RBFOX1: variants seen among roughly 807,000 people sequenced by gnomAD.
RBFOX1 encodes the protein RNA binding protein fox-1 homolog 1.
A neutral mutation model predicts 57.7 loss-of-function variants in RBFOX1; 8 were observed. That is an observed-to-expected ratio of 0.14 (90% CI 0.08 to 0.25). The LOEUF (loss-of-function observed/expected upper bound fraction) is 0.25. RBFOX1 is among the 10% of genes least tolerant of loss of function. The probability of loss-of-function intolerance (pLI) is 1.00; values close to 1 mark genes in which losing one functional copy is unlikely to be tolerated. For missense variants in RBFOX1, 611 were observed against 548.5 expected, an observed-to-expected ratio of 1.11 and a Z score of -1.14; for synonymous variants, 326 against 222.4, an observed-to-expected ratio of 1.47 and a Z score of -4.15.
chr16:6,763,413 C>T (rs553724861), intron 3 of RBFOX1, among the ~76,000 whole-genome samples: 3 of 152,200 alleles, frequency 2.0e-5, no homozygotes, highest in Non-Finnish European at 4.4e-5. Context: ...AACCATTCAA[C>T]CAGCAAACTG....
chr16:7,576,850 C>G (rs2093377804), intron 5 of RBFOX1, among the ~76,000 whole-genome samples: 1 of 152,148 alleles, frequency 6.6e-6, no homozygotes, highest in Non-Finnish European at 1.5e-5. Flanking sequence ...GAAACGGGAA[C>G]TTCTAACAGG....
At chr16:5,815,358 C>T (rs1270357946) in intron 3 of RBFOX1, among the ~76,000 whole-genome samples, 1 of 152,030 alleles carries the variant, frequency 6.6e-6, no homozygotes, top group African/African-American at 2.4e-5. Flanking sequence ...ATCCTCCCAT[C>T]CCCTGTTTGG....
chr16:7,021,831 A>C (rs1005702071), intron 3 of RBFOX1, among the ~76,000 whole-genome samples: 3 of 151,346 alleles, frequency 2.0e-5, no homozygotes, highest in South Asian at 4.2e-4. Flanking sequence ...CTAATTCTTG[A>C]AGGTAGTTGG....
rs1237261830 is a variant in RBFOX1, at chr16:5,842,153, T to G, written c.319-25150T>G. Among the ~76,000 whole-genome samples the G allele has an allele frequency of 2.0e-5, 3 of 152,116 alleles. No individual in the cohort carries two copies. The East Asian group carries it at 5.8e-4, about 29-fold the overall frequency. On this transcript the variant is annotated intron_variant, in intron 3 of 19. Transcript: ENST00000641259. ...GGAAATGGAACCGCTGAAATCAAGT[T>G]TAGACTTGTTAGAGGGAACAGTGTT...
chr16:7,709,078 G>A lies in RBFOX1; in HGVS notation c.1018G>A (p.Asp340Asn), dbSNP rs1403788049. Residue 340 changes from aspartate to asparagine, a missense_variant, in exon 15 of 16, where the codon GAC (aspartate) becomes AAC (asparagine). Transcript: ENST00000550418. The stretch of plus-strand genomic sequence containing the variant: ...CAGTTACGGACGAGTTTATGCTGCC[G>A]ACCCCTACCACCACGCACTTGCTCC... ...SDSYGRVYAADPYHHALAPAP... is the reference protein window; with the variant it reads ...SDSYGRVYAANPYHHALAPAP... 26 of 1,613,490 alleles carry A rather than the reference G, an allele frequency of 1.6e-5. No individual in the cohort carries two copies. The East Asian group carries it at 1.8e-4, about 11-fold the overall frequency.
intron 3 of RBFOX1, among the ~76,000 whole-genome samples, chr16:5,854,874 C>G (rs2056985588): frequency 6.6e-6 from 1 of 152,140 alleles, no homozygotes; most frequent in Non-Finnish European, 1.5e-5. Context: ...TTCTCCGTAT[C>G]CTCACCAACA....
At chr16:5,967,110 TAAC>T (rs1234965547) in intron 4 of RBFOX1, among the ~76,000 whole-genome samples, 1 of 151,848 alleles carries the variant, frequency 6.6e-6, no homozygotes, top group African/African-American at 2.4e-5. Context: ...TTCTTCGAGT[TAAC>T]AACAGCAGAG....
chr16:5,570,807 T>C (rs1340715485), intron 2 of RBFOX1, among the ~76,000 whole-genome samples: 1 of 145,138 alleles, frequency 6.9e-6, no homozygotes, highest in Non-Finnish European at 1.5e-5. Context: ...ACCACCGTAC[T>C]CCAGTCTGGG....
chr16:6,691,480 A>C (rs2060200515), intron 3 of RBFOX1, among the ~76,000 whole-genome samples: 1 of 150,554 alleles, frequency 6.6e-6, no homozygotes, highest in Non-Finnish European at 1.5e-5. Flanking sequence ...TTTTTTGTGG[A>C]TGCCACTCAA....
chr16:5,326,387 T>G (rs2064572703), intron 1 of RBFOX1, among the ~76,000 whole-genome samples: 1 of 152,146 alleles, frequency 6.6e-6, no homozygotes, highest in Non-Finnish European at 1.5e-5. Flanking sequence ...CATGTCCAAG[T>G]CCCCTTCTAC....
chr16:5,732,615 T>C (rs1158200957), intron 3 of RBFOX1, among the ~76,000 whole-genome samples: 1 of 152,240 alleles, frequency 6.6e-6, no homozygotes, highest in Non-Finnish European at 1.5e-5. Flanking sequence ...GTTTCTGCAC[T>C]TGTAAGGTAA....
chr16:5,444,259 GCCTTGCTA>G (rs2068174285), intron 1 of RBFOX1, among the ~76,000 whole-genome samples: 1 of 152,208 alleles, frequency 6.6e-6, no homozygotes, highest in South Asian at 2.1e-4. Context: ...CAGATTGGCT[GCCTTGCTA>G]CCTGTTGCTT....
At chr16:7,258,965 G>A (rs2094809094) in intron 4 of RBFOX1, among the ~76,000 whole-genome samples, 1 of 152,300 alleles carries the variant, frequency 6.6e-6, no homozygotes, top group South Asian at 2.1e-4. Context: ...TTTCACCTAT[G>A]ACATATTGCA....
intron 3 of RBFOX1, among the ~76,000 whole-genome samples, chr16:6,831,261 G>C (rs2092689582): frequency 6.6e-6 from 1 of 152,080 alleles, no homozygotes; most frequent in South Asian, 2.1e-4. Context: ...CTCTATTCTT[G>C]GCTCACCCAG....
chr16:7,107,179 G>A (rs1343866068), intron 4 of RBFOX1, among the ~76,000 whole-genome samples: 1 of 152,144 alleles, frequency 6.6e-6, no homozygotes, highest in Non-Finnish European at 1.5e-5. Context: ...CAAAGCCATC[G>A]AGGCTGAGAG....
intron 2 of RBFOX1, among the ~76,000 whole-genome samples, chr16:6,574,533 A>C (rs368707460): frequency 1.4e-5 from 2 of 141,162 alleles, no homozygotes. Context: ...GGTTCACGCC[A>C]TTCTCCTGCC....
intron 2 of RBFOX1, among the ~76,000 whole-genome samples, chr16:6,341,752 T>G (rs1466217217): frequency 2.0e-5 from 3 of 152,194 alleles, no homozygotes; most frequent in African/African-American, 7.2e-5. Context: ...AGCTGTTATT[T>G]CACCACTTTA....
At chr16:6,952,055 C>T (rs762636140) in intron 3 of RBFOX1, among the ~76,000 whole-genome samples, 2 of 152,106 alleles carry the variant, frequency 1.3e-5, no homozygotes, top group East Asian at 1.9e-4. Flanking sequence ...GTTTCTCATA[C>T]GTGGTTGATC....
intron 2 of RBFOX1, among the ~76,000 whole-genome samples, chr16:6,624,758 C>A (rs988677989): frequency 9.2e-5 from 14 of 152,122 alleles, no homozygotes; most frequent in African/African-American, 3.4e-4. Context: ...TCCTGCTGTT[C>A]TTATGTCAAG....
Sources: allele counts gnomAD v4.1 joint callset (sites outside exome capture counted in the v4.1 genomes callset), GRCh38; gene constraint gnomAD v4.1.1; transcripts MANE v1.5; gene names NCBI Gene and HGNC (gene_info 2026-07-23, HGNC 2026-07-21).